PLXNA4: variants seen among roughly 807,000 people sequenced by gnomAD.
PLXNA4 encodes plexin-A4.
A neutral mutation model predicts 191.8 loss-of-function variants in PLXNA4; 44 were observed. The ratio of observed to expected loss-of-function variants is 0.23; its 90% CI spans 0.18 to 0.29. PLXNA4 has a LOEUF of 0.29. Among genes scored for constraint, PLXNA4 ranks in the 10% least tolerant of loss-of-function variants. The pLI, the probability that PLXNA4 is intolerant of heterozygous loss-of-function variation, is 1.00. For missense variants in PLXNA4, 1,800 were observed against 2,488.8 expected, an observed-to-expected ratio of 0.72 and a Z score of 5.89; for synonymous variants, 1,082 against 1,009.5, an observed-to-expected ratio of 1.07 and a Z score of -1.36.
At chr7:132,503,931 C>T (rs1276138166) in intron 2 of PLXNA4, among the ~76,000 whole-genome samples, 1 of 152,224 alleles carries the variant, frequency 6.6e-6, no homozygotes, top group Non-Finnish European at 1.5e-5. Context: ...AGGGGTAAAG[C>T]ATGGCTCAGA....
intron 3 of PLXNA4, among the ~76,000 whole-genome samples, chr7:132,438,004 G>A (rs892572397): frequency 6.6e-6 from 1 of 152,238 alleles, no homozygotes; most frequent in African/African-American, 2.4e-5. Flanking sequence ...AGGAGGGGCA[G>A]GAACTGCATC....
chr7:132,589,275 G>A (rs1802562231), intron 2 of PLXNA4, among the ~76,000 whole-genome samples: 1 of 152,094 alleles, frequency 6.6e-6, no homozygotes, highest in African/African-American at 2.4e-5. Context: ...GGATTGTGAG[G>A]GAGAGAGTGT....
chr7:132,493,271 A>T (rs1297232638), intron 2 of PLXNA4, among the ~76,000 whole-genome samples: 1 of 152,200 alleles, frequency 6.6e-6, no homozygotes, highest in Non-Finnish European at 1.5e-5. Context: ...CTCTGCTATT[A>T]TCAGGAGCCC....
chr7:132,357,687 A>G (rs776685648), intron 3 of PLXNA4, among the ~76,000 whole-genome samples: 2 of 152,172 alleles, frequency 1.3e-5, no homozygotes, highest in Non-Finnish European at 2.9e-5. Flanking sequence ...GTCCTCATTC[A>G]ATTTGTAGAA....
chr7:132,471,954 G>A (rs1462730300), intron 3 of PLXNA4, among the ~76,000 whole-genome samples: 1 of 152,016 alleles, frequency 6.6e-6, no homozygotes, highest in Non-Finnish European at 1.5e-5. Context: ...GCCCAAAAAG[G>A]GACACACCTG....
intron 3 of PLXNA4, among the ~76,000 whole-genome samples, chr7:132,394,001 T>TC (rs1481749410): frequency 4.0e-5 from 6 of 150,972 alleles, no homozygotes; most frequent in Non-Finnish European, 7.4e-5. Context: ...TTTTTTTTTT[T>TC]CGTATTAACT....
intron 4 of PLXNA4, among the ~76,000 whole-genome samples, chr7:132,288,311 G>A (rs776720341): frequency 6.6e-6 from 1 of 152,220 alleles, no homozygotes; most frequent in Non-Finnish European, 1.5e-5. Context: ...GGAAACTAGG[G>A]AGGGAAGTCA....
At chr7:132,441,737 A>G (rs1795708013) in intron 3 of PLXNA4, among the ~76,000 whole-genome samples, 1 of 152,190 alleles carries the variant, frequency 6.6e-6, no homozygotes, top group Admixed American at 6.5e-5. Flanking sequence ...CATTTTAAAA[A>G]CCTATTCAGT....
intron 3 of PLXNA4, among the ~76,000 whole-genome samples, chr7:132,304,511 T>C (rs1032985627): frequency 2.0e-5 from 3 of 152,212 alleles, no homozygotes. Context: ...AAAAATTTTA[T>C]TGAGATATTT....
chr7:132,213,689 T>A (rs1390049250), intron 9 of PLXNA4, among the ~76,000 whole-genome samples: 2 of 152,052 alleles, frequency 1.3e-5, no homozygotes, highest in Non-Finnish European at 2.9e-5. Context: ...GGAGAGCAGA[T>A]CCTTGAGAAT....
At chr7:132,592,519 C>CTT (rs5887580) in intron 2 of PLXNA4, among the ~76,000 whole-genome samples, 256 of 145,670 alleles carry the variant, frequency 1.8e-3, no homozygotes, top group Middle Eastern at 3.5e-3. Flanking sequence ...TTAATTTAAC[C>CTT]TTTTTTTTTT....
rs140122151 is a variant in PLXNA4, at chr7:132,515,878, A to G, written c.-86-7099T>C. 4.5e-3 allele frequency among the ~76,000 whole-genome samples: 679 copies of G among 152,106 alleles called. 2 individuals are homozygous for G. Among genetic ancestry groups the G allele is most frequent in the Non-Finnish European group, 7.0e-3 (476 of 68,030 alleles). Reference sequence around the variant, plus strand: ...AGTCTCACATTTTACAAACTCTGTTATATTTGTCCATTGATGCTGTCTCCT... The same window carrying G: ...AGTCTCACATTTTACAAACTCTGTTGTATTTGTCCATTGATGCTGTCTCCT... On this transcript the variant is annotated intron_variant, in intron 1 of 31. Coordinates refer to ENST00000321063, the MANE Select transcript of PLXNA4 (RefSeq NM_020911.2).
At chr7:132,643,906 C>T (rs947611709) in intron 2 of PLXNA4, among the ~76,000 whole-genome samples, 4 of 151,798 alleles carry the variant, frequency 2.6e-5, no homozygotes, top group African/African-American at 7.3e-5. Context: ...GATCTAAGAT[C>T]GCACCACTAC....
chr7:132,604,916 C>T (rs1802894864), intron 2 of PLXNA4, among the ~76,000 whole-genome samples: 3 of 152,212 alleles, frequency 2.0e-5, no homozygotes, highest in Admixed American at 6.5e-5. Context: ...TGGTCCTGCA[C>T]TTCCCTCTTG....
At chr7:132,243,397 C>T (rs1798945948) in intron 4 of PLXNA4, among the ~76,000 whole-genome samples, 5 of 152,202 alleles carry the variant, frequency 3.3e-5, no homozygotes, top group Admixed American at 2.6e-4. Flanking sequence ...GTTCTATAAT[C>T]CACCTTGGAT....
chr7:132,179,974 G>C, intron 19 of PLXNA4, 53 bp from the exon 20 acceptor site: 1 of 1,539,458 alleles, frequency 6.5e-7, no homozygotes. Context: ...AGCAGCTTTG[G>C]CAACAGTCCC....
At position 132,280,056 on chromosome 7, in the gene PLXNA4, C is replaced by G. The variant is rs574170394; in HGVS notation, c.1503+18035G>C. Among the ~76,000 whole-genome samples, 20 of 152,292 alleles carry G rather than the reference C, an allele frequency of 1.3e-4. No individual in the cohort carries two copies. The South Asian group carries it at 3.3e-3, about 25-fold the overall frequency. ...CTTACTATGTTTGATGGCCACTATT[C>G]TATTCGACTTTATTCTATTCCATTA... On this transcript the variant is annotated intron_variant, in intron 4 of 31. Coordinates refer to ENST00000321063, the MANE Select transcript of PLXNA4 (RefSeq NM_020911.2).
At chr7:132,131,504 A>G (rs1794925654) in intron 31 of PLXNA4, among the ~76,000 whole-genome samples, 1 of 151,920 alleles carries the variant, frequency 6.6e-6, no homozygotes, top group African/African-American at 2.4e-5. Context: ...GGCAGGGAAA[A>G]GAAGGGAGGG....
chr7:132,356,807 G>T (rs1330325265), intron 3 of PLXNA4, among the ~76,000 whole-genome samples: 3 of 152,212 alleles, frequency 2.0e-5, no homozygotes, highest in Non-Finnish European at 4.4e-5. Context: ...AGAAGTTGGA[G>T]GCAGGACTTC....
Sources: gnomAD v4.1 joint callset for allele counts (sites outside exome capture counted in the v4.1 genomes callset) on GRCh38, gnomAD v4.1.1 for gene constraint, MANE v1.5 for transcripts, NCBI Gene and HGNC (gene_info 2026-07-23, HGNC 2026-07-21) for gene names.